Variants in TMEM230 observed in about 807,000 individuals in gnomAD.
TMEM230 encodes transmembrane protein 230.
Under a neutral mutation model 15.8 loss-of-function variants are expected in TMEM230, and 10 were observed. That is an observed-to-expected ratio of 0.63 (90% confidence interval 0.39 to 1.07). The LOEUF is 1.07. TMEM230 is among the 50% of genes least tolerant of loss of function. The pLI is 0.01. For missense variants in TMEM230, 165 were observed against 193.3 expected, an observed-to-expected ratio of 0.85 and a Z score of 0.87; for synonymous variants, 67 against 76.9, an observed-to-expected ratio of 0.87 and a Z score of 0.68.
chr20:5,101,780 T>C (rs773500766), intron 4 of TMEM230, among the ~76,000 whole-genome samples: 8 of 152,146 alleles, frequency 5.3e-5, no homozygotes, highest in Non-Finnish European at 8.8e-5. Flanking sequence ...TCAAGACAAC[T>C]TGGACACTGT....
At chr20:5,083,087 C>G (rs1432199357) in intron 3 of TMEM230, among the ~76,000 whole-genome samples, 2 of 151,928 alleles carry the variant, frequency 1.3e-5, no homozygotes, top group Non-Finnish European at 2.9e-5. Flanking sequence ...ACCACCACAA[C>G]TGGCTAATTT....
intron 3 of TMEM230, among the ~76,000 whole-genome samples, chr20:5,092,731 A>G (rs1182031803): frequency 5.3e-5 from 8 of 151,576 alleles, no homozygotes; most frequent in East Asian, 3.9e-4. Flanking sequence ...AAAAAAAAAA[A>G]AGAGAGAGAG....
intron 3 of TMEM230, among the ~76,000 whole-genome samples, chr20:5,074,927 T>C (rs899765939): frequency 1.3e-5 from 2 of 152,194 alleles, no homozygotes; most frequent in African/African-American, 4.8e-5. Flanking sequence ...CCTCCCAAAG[T>C]GCTGGGATTA....
At chr20:5,062,110 T>C in the TMEM230 span, among the ~76,000 whole-genome samples, 2 of 151,642 alleles carry the variant, frequency 1.3e-5, no homozygotes, top group African/African-American at 4.9e-5. Flanking sequence ...TAATCCCAGC[T>C]ACTCAGGAGG....
At chr20:5,103,035 G>T (rs1270205764) in intron 4 of TMEM230, among the ~76,000 whole-genome samples, 1 of 152,194 alleles carries the variant, frequency 6.6e-6, no homozygotes, top group East Asian at 1.9e-4. Context: ...AAAACCATAT[G>T]ATTATTTCAA....
chr20:5,079,996 CTTAA>C (rs1390967819), intron 3 of TMEM230, among the ~76,000 whole-genome samples: 1 of 152,288 alleles, frequency 6.6e-6, no homozygotes, highest in Non-Finnish European at 1.5e-5. Flanking sequence ...TACTGAGATA[CTTAA>C]GAAGATTATT....
At chr20:5,078,393 CA>C (rs1490553285) in intron 3 of TMEM230, among the ~76,000 whole-genome samples, 1 of 152,200 alleles carries the variant, frequency 6.6e-6, no homozygotes, top group Non-Finnish European at 1.5e-5. Context: ...ATACTCCCAG[CA>C]AATGCTAATC....
chr20:5,087,595 A>G (rs945693507), intron 3 of TMEM230, among the ~76,000 whole-genome samples: 1 of 149,234 alleles, frequency 6.7e-6, no homozygotes, highest in Non-Finnish European at 1.5e-5. Context: ...TGGCCTGGGT[A>G]GAGCCTGGCT....
chr20:5,093,458 CTTG>C (rs1349658833), intron 3 of TMEM230, among the ~76,000 whole-genome samples: 5 of 152,100 alleles, frequency 3.3e-5, no homozygotes, highest in Non-Finnish European at 5.9e-5. Context: ...CCAGGCTGGT[CTTG>C]AACTCCTGGG....
chr20:5,111,482 G>A (rs958823884), intron 2 of TMEM230: 1 of 194,942 alleles, frequency 5.1e-6, no homozygotes, highest in South Asian at 5.4e-5. Context: ...GGTGGTGGGT[G>A]CCTGTAGTCC....
At chr20:5,095,430 T>A (rs1184149633), downstream of TMEM230, among the ~76,000 whole-genome samples, 1 of 152,212 alleles carries the variant, frequency 6.6e-6, no homozygotes, top group African/African-American at 2.4e-5. Flanking sequence ...TCTTTGGGAC[T>A]CCTGTCTCGA....
downstream of TMEM230, among the ~76,000 whole-genome samples, chr20:5,098,703 A>G (rs905667896): frequency 1.3e-5 from 2 of 152,092 alleles, no homozygotes; most frequent in African/African-American, 4.8e-5. Context: ...CTCTGATCCT[A>G]TGACTACTAA....
chr20:5,069,306 T>G (rs966159142), exon 4 of TMEM230: 4 of 1,535,826 alleles, frequency 2.6e-6, no homozygotes, highest in Admixed American at 3.9e-5. Context: ...TGGTAGATGT[T>G]TGTGGTCAGC....
downstream of TMEM230, among the ~76,000 whole-genome samples, chr20:5,098,749 T>C (rs1020414696): frequency 6.6e-6 from 1 of 151,968 alleles, no homozygotes; most frequent in Non-Finnish European, 1.5e-5. Context: ...ATAATGTGCA[T>C]TAACAAGAAT....
downstream of TMEM230, chr20:5,068,465 G>A (rs1172300867): frequency 6.6e-6 from 1 of 152,372 alleles, no homozygotes; most frequent in East Asian, 1.9e-4. Context: ...GAAGGCAAAG[G>A]AGAAGCAGGC....
At chr20:5,069,902 G>A (rs886605244) in intron 3 of TMEM230, among the ~76,000 whole-genome samples, 1 of 152,136 alleles carries the variant, frequency 6.6e-6, no homozygotes, top group African/African-American at 2.4e-5. Flanking sequence ...GAGAGACGGG[G>A]TTTCACCATG....
chr20:5,107,909 C>T (rs1600408376), intron 3 of TMEM230, among the ~76,000 whole-genome samples: 1 of 151,590 alleles, frequency 6.6e-6, no homozygotes. Context: ...GTTAAGAGTT[C>T]GAGACCAGCC....
chr20:5,080,030 T>A (rs1600292380), intron 3 of TMEM230, among the ~76,000 whole-genome samples: 1 of 152,238 alleles, frequency 6.6e-6, no homozygotes, highest in African/African-American at 2.4e-5. Flanking sequence ...TAATAAAAGC[T>A]GGGTTACTAT....
rs368619757 is a variant in TMEM230 at position 5,108,734 on chromosome 20, G to C, written c.288+598C>G. ...CCACGTAGAACATTCTATTGTAAGGGGAAGTGTGCAAAAGGAGATGCTGTA... is the reference window on the plus strand; with the variant it reads ...CCACGTAGAACATTCTATTGTAAGGCGAAGTGTGCAAAAGGAGATGCTGTA... On this transcript the variant is annotated intron_variant, in intron 3 of 4. Transcript: ENST00000342308. Among the ~76,000 whole-genome samples, 34 of 152,254 alleles carry C rather than the reference G, an allele frequency of 2.2e-4. 1 individual carries two copies. The South Asian group carries it at 4.1e-3, about 19-fold the overall frequency.
Sources: allele counts gnomAD v4.1 joint callset (sites outside exome capture counted in the v4.1 genomes callset), GRCh38; gene constraint gnomAD v4.1.1; transcripts MANE v1.5; gene names NCBI Gene and HGNC (gene_info 2026-07-23, HGNC 2026-07-21).